Variants in SCN2A observed in about 807,000 individuals in gnomAD.
SCN2A encodes the protein sodium voltage-gated channel alpha subunit 2.
A neutral mutation model predicts 188.7 loss-of-function variants in SCN2A; 20 were observed. The ratio of observed to expected loss-of-function variants is 0.11; its 90% CI spans 0.07 to 0.15. SCN2A has a LOEUF of 0.15. Ranked by LOEUF, SCN2A falls within the 10% of genes least tolerant of loss-of-function variation. The probability of loss-of-function intolerance (pLI) is 1.00; values close to 1 mark genes in which losing one functional copy is unlikely to be tolerated. For synonymous variants in SCN2A, 804 were observed against 833.1 expected (o/e 0.97, Z 0.60); for missense variants, 1,278 against 2,445.0 (o/e 0.52, Z 10.07).
intron 1 of SCN2A, chr2:165,273,226 T>C (rs1467997559): frequency 2.6e-5 from 4 of 152,166 alleles, no homozygotes; most frequent in Admixed American, 6.5e-5. Context: ...TTAATATTGA[T>C]AGAAATTATA....
At chr2:165,308,881 C>T in intron 5 of SCN2A, 87 bp downstream of exon 5, 1 of 1,493,538 alleles carries the variant, frequency 6.7e-7, no homozygotes, top group Non-Finnish European at 9.2e-7. Flanking sequence ...CTTGCCTTGA[C>T]AGACCAAGCA....
At chr2:165,334,478 C>G (rs980819437) in intron 14 of SCN2A, among the ~76,000 whole-genome samples, 2 of 151,546 alleles carry the variant, frequency 1.3e-5, no homozygotes, top group African/African-American at 4.8e-5. Flanking sequence ...CAGGGCTGGA[C>G]CAGCATAAAA....
intron 1 of SCN2A, chr2:165,272,164 A>G (rs1409528096): frequency 7.9e-5 from 12 of 152,126 alleles, no homozygotes; most frequent in Non-Finnish European, 4.4e-5. Context: ...TAAAAAAATC[A>G]GTAAAAGATA....
rs567867670 is a variant in SCN2A at position 165,265,418 on chromosome 2, T to C, written c.-52+25778T>C. Among the ~76,000 whole-genome samples, 4 of 131,306 alleles carry C rather than the reference T, an allele frequency of 3.0e-5. No homozygotes were observed. In the South Asian group the frequency reaches 9.7e-4, roughly 32 times the overall value. The allele number at this position is 131,306 out of a possible 152,430, so 86.1% of individuals were successfully genotyped here. A position where few individuals can be genotyped will look rare whatever the true frequency, so the allele number is the denominator to read the frequency against. On this transcript the variant is annotated intron_variant, in intron 1 of 26. Transcript: ENST00000375437. ...GGATATTAGACCTTTGTCAGATGCA[T>C]AGTTGGCAAGTATTTTCTCCTATTC...
chr2:165,379,451 T>A (rs570776473), intron 23 of SCN2A, among the ~76,000 whole-genome samples: 38 of 151,694 alleles, frequency 2.5e-4, no homozygotes, highest in Non-Finnish European at 4.9e-4. Context: ...GTCAGGATAA[T>A]GATTACCTCC....
intron 16 of SCN2A, among the ~76,000 whole-genome samples, chr2:165,349,446 A>C (rs1370698869): frequency 6.6e-6 from 1 of 152,224 alleles, no homozygotes; most frequent in Non-Finnish European, 1.5e-5. Flanking sequence ...AAAGAGGATG[A>C]AACTCAGCCC....
chr2:165,329,929 C>T (rs1449031308), intron 13 of SCN2A, among the ~76,000 whole-genome samples: 1 of 151,790 alleles, frequency 6.6e-6, no homozygotes, highest in East Asian at 1.9e-4. Context: ...ATTTCAATAT[C>T]CAAAGAGACA....
chr2:165,364,836 A>T (rs1254434282), intron 17 of SCN2A, among the ~76,000 whole-genome samples: 5 of 152,210 alleles, frequency 3.3e-5, no homozygotes, highest in African/African-American at 7.2e-5. Context: ...ATCGCAGATG[A>T]TTATATGACT....
chr2:165,305,459 A>C (rs1489081399), intron 3 of SCN2A, among the ~76,000 whole-genome samples: 1 of 152,198 alleles, frequency 6.6e-6, no homozygotes, highest in Non-Finnish European at 1.5e-5. Context: ...GATGGACTAC[A>C]CTAGGATGAG....
At position 165,344,852 on chromosome 2, in the gene SCN2A, G is replaced by T. The variant is rs749485469; in HGVS notation, c.2860G>T (p.Ala954Ser). Residue 954 changes from alanine to serine, a missense_variant, in exon 16 of 27, where the codon GCT becomes TCT. Coordinates refer to ENST00000375437, the MANE Select transcript of SCN2A (RefSeq NM_001040142.2). ...GACCATGTGGGACTGTATGGAGGTCGCTGGCCAAACCATGTGCCTTACTGT... is the reference window on the plus strand; with the variant it reads ...GACCATGTGGGACTGTATGGAGGTCTCTGGCCAAACCATGTGCCTTACTGT... ...IETMWDCMEV[A>S]GQTMCLTVFM... The T allele has an allele frequency of 1.9e-6, 3 of 1,614,144 alleles. No individual in the cohort carries two copies. The highest frequency in any genetic ancestry group is 2.5e-6 in the Non-Finnish European group (3 of 1,180,030).
At chr2:165,311,959 A>G in intron 7 of SCN2A, 66 bp from the exon 8 acceptor site, 1 of 1,121,676 alleles carries the variant, frequency 8.9e-7, no homozygotes, top group Non-Finnish European at 1.3e-6. Flanking sequence ...TTTGCCACCT[A>G]AACAGGGTGG....
intron 1 of SCN2A, among the ~76,000 whole-genome samples, chr2:165,277,571 A>G (rs148232928): frequency 2.1e-3 from 317 of 152,260 alleles, no homozygotes; most frequent in African/African-American, 7.3e-3. Flanking sequence ...GTTAGCCTTA[A>G]GTTTCATTTC....
intron 1 of SCN2A, chr2:165,285,537 A>G (rs951639445): frequency 2.1e-5 from 4 of 192,018 alleles, no homozygotes; most frequent in South Asian, 1.1e-4. Context: ...AGGAAAAGGA[A>G]ACTTTCAGGA....
chr2:165,347,431 G>A (rs1267235148), intron 16 of SCN2A, among the ~76,000 whole-genome samples: 1 of 151,862 alleles, frequency 6.6e-6, no homozygotes, highest in Non-Finnish European at 1.5e-5. Context: ...ATCACACACT[G>A]AGGCCTGTCG....
intron 17 of SCN2A, among the ~76,000 whole-genome samples, chr2:165,355,025 G>T (rs905323856): frequency 1.3e-5 from 2 of 152,078 alleles, no homozygotes; most frequent in Non-Finnish European, 2.9e-5. Context: ...GTACGTACTG[G>T]AAAAATATCT....
At chr2:165,293,802 G>A in intron 1 of SCN2A, 1 of 981,920 alleles carries the variant, frequency 1.0e-6, no homozygotes, top group South Asian at 4.7e-5. Flanking sequence ...AAAGCCTGTG[G>A]AAGATCAGTT....
At chr2:165,387,205 A>G (rs936364964) in intron 26 of SCN2A, among the ~76,000 whole-genome samples, 189 bp downstream of exon 26, 10 of 152,196 alleles carry the variant, frequency 6.6e-5, no homozygotes, top group African/African-American at 2.4e-4. Flanking sequence ...TGATGAGTGG[A>G]ATACAAGGAA....
intron 1 of SCN2A, among the ~76,000 whole-genome samples, chr2:165,276,225 C>G (rs1046429514): frequency 1.3e-5 from 2 of 150,996 alleles, no homozygotes; most frequent in African/African-American, 4.9e-5. Flanking sequence ...AATGATATTT[C>G]ATAATAAGGT....
chr2:165,287,137 G>C (rs1456657178), intron 1 of SCN2A, among the ~76,000 whole-genome samples: 1 of 152,186 alleles, frequency 6.6e-6, no homozygotes, highest in African/African-American at 2.4e-5. Context: ...AGGAAGTAAA[G>C]TATACTTGGG....
Sources: gnomAD v4.1 joint callset for allele counts (sites outside exome capture counted in the v4.1 genomes callset) on GRCh38, gnomAD v4.1.1 for gene constraint, MANE v1.5 for transcripts, NCBI Gene and HGNC (gene_info 2026-07-23, HGNC 2026-07-21) for gene names.